BAALC: variants seen among roughly 807,000 people sequenced by gnomAD.
The protein encoded by BAALC is BAALC binder of MAP3K1 and KLF4, also known as brain and acute leukemia cytoplasmic protein.
BAALC carries 9 observed loss-of-function variants against 15.5 expected under a neutral mutation model. That is an observed-to-expected ratio of 0.58 (90% CI 0.35 to 1.02). The LOEUF (loss-of-function observed/expected upper bound fraction) is 1.02, where lower values mean the gene tolerates loss of function less well. Ranked by LOEUF, BAALC falls within the 50% of genes least tolerant of loss-of-function variation. BAALC has a pLI of 0.02. For synonymous variants in BAALC, 80 were observed against 74.6 expected (o/e 1.07, Z -0.37); for missense variants, 201 against 192.4 (o/e 1.04, Z -0.27).
At chr8:103,207,523 G>C (rs954147886) in intron 1 of BAALC, among the ~76,000 whole-genome samples, 7 of 152,192 alleles carry the variant, frequency 4.6e-5, no homozygotes, top group Admixed American at 1.3e-4. Context: ...GCCCTCTCCA[G>C]GCTGATAAGG....
intron 1 of BAALC, among the ~76,000 whole-genome samples, chr8:103,178,058 G>T (rs1811644254): frequency 6.6e-6 from 1 of 152,154 alleles, no homozygotes; most frequent in Admixed American, 6.5e-5. Context: ...TCTTGTCATT[G>T]GAGCTCAGCT....
In BAALC at chr8:103,229,729, T is replaced by G. The variant is rs1812883766; in HGVS notation, c.*1630T>G. On this transcript the variant is annotated 3_prime_UTR_variant, in exon 3 of 3. Transcript: ENST00000309982. ...TAGGTTTGTGTCTTAAACTAGGTGT[T>G]CTAATCAATGTACAAGACTTTACCA... is the stretch of plus-strand genomic sequence containing the variant. The G allele has an allele frequency of 6.6e-6, 1 of 152,240 alleles. No individual in the cohort carries two copies. Among genetic ancestry groups the G allele is most frequent in the Non-Finnish European group, 1.5e-5 (1 of 68,046 alleles). The allele number at this position is 152,240 out of a possible 1,614,324, so 9.4% of individuals were successfully genotyped here. A position where few individuals can be genotyped will look rare whatever the true frequency, so the allele number is the denominator to read the frequency against.
At chr8:103,211,839 TC>T (rs1240238034) in intron 1 of BAALC, among the ~76,000 whole-genome samples, 2 of 152,170 alleles carry the variant, frequency 1.3e-5, no homozygotes, top group Non-Finnish European at 2.9e-5. Flanking sequence ...CCATACAGAC[TC>T]CTCTATTGTT....
chr8:103,158,778 A>C (rs1202082470), intron 1 of BAALC, among the ~76,000 whole-genome samples: 1 of 152,210 alleles, frequency 6.6e-6, no homozygotes, highest in South Asian at 2.1e-4. Flanking sequence ...ATGGCACACA[A>C]TTTAAAACTT....
intron 1 of BAALC, chr8:103,208,498 G>A (rs1007448752): frequency 2.0e-5 from 3 of 152,256 alleles, no homozygotes; most frequent in Non-Finnish European, 4.4e-5. Flanking sequence ...CTCTGCCTTG[G>A]TCTGTTTTAT....
Position 103,141,017 on chromosome 8 carries a change from C to T in BAALC, c.120C>T (p.Ala40=). Residue 40 remains alanine, a synonymous_variant, in exon 1 of 3, where the codon GCC becomes GCT. Transcript: ENST00000309982. ...YTDSDAPPSA[A]APDSGPEAGG... is the part of the protein sequence containing the mutation. ...ACTCGGACGCGCCGCCCAGCGCCGC[C>T]GCCCCGGACAGCGGCCCCGAAGCGG... The T allele has an allele frequency of 6.6e-7, 1 of 1,520,478 alleles. No homozygotes were observed. The highest frequency in any genetic ancestry group is 8.8e-7 in the Non-Finnish European group (1 of 1,134,556). 94.2% of individuals were successfully genotyped at this position (1,520,478 alleles called of 1,614,324 possible). A position where few individuals can be genotyped will look rare whatever the true frequency, so the allele number is the denominator to read the frequency against.
intron 1 of BAALC, among the ~76,000 whole-genome samples, chr8:103,200,264 G>T (rs1416513398): frequency 1.3e-5 from 2 of 152,198 alleles, no homozygotes; most frequent in African/African-American, 4.8e-5. Context: ...ATGTAAATTT[G>T]TTCAGCCATT....
chr8:103,199,340 T>G lies in BAALC; in HGVS notation c.161-13579T>G, dbSNP rs771647023. 2.3e-4 allele frequency among the ~76,000 whole-genome samples: 35 copies of G among 152,250 alleles called. 1 individual carries two copies. Among genetic ancestry groups the G allele is most frequent in the Non-Finnish European group, 1.8e-4 (12 of 68,040 alleles). ...TTATCAGACTTTTTAACTTTTGCCA[T>G]TCTGATGGGTAAGAAATGATATATT... On this transcript the variant is annotated intron_variant, in intron 1 of 2. Coordinates refer to ENST00000309982, the MANE Select transcript of BAALC (RefSeq NM_024812.3).
chr8:103,212,113 T>C (rs778710135), intron 1 of BAALC, among the ~76,000 whole-genome samples: 33 of 152,170 alleles, frequency 2.2e-4, no homozygotes, highest in Non-Finnish European at 8.8e-5. Context: ...AAGGCACACA[T>C]ACTCAGTCCA....
At chr8:103,145,028 A>G (rs1401388729) in intron 1 of BAALC, among the ~76,000 whole-genome samples, 1 of 152,190 alleles carries the variant, frequency 6.6e-6, no homozygotes, top group Non-Finnish European at 1.5e-5. Flanking sequence ...ATCTAGTTCT[A>G]TCCATTTCCA....
At chr8:103,156,039 G>C (rs890529854) in intron 1 of BAALC, among the ~76,000 whole-genome samples, 15 of 152,190 alleles carry the variant, frequency 9.9e-5, no homozygotes, top group African/African-American at 3.6e-4. Context: ...AGCAGCTATA[G>C]ACAATATATA....
intron 1 of BAALC, among the ~76,000 whole-genome samples, chr8:103,212,049 T>C (rs1288150593): frequency 6.6e-6 from 1 of 152,220 alleles, no homozygotes; most frequent in Non-Finnish European, 1.5e-5. Context: ...GTCCTCTCCC[T>C]TTTCAGTGAG....
chr8:103,164,797 T>C (rs933146799), intron 1 of BAALC, among the ~76,000 whole-genome samples: 1 of 152,168 alleles, frequency 6.6e-6, no homozygotes, highest in South Asian at 2.1e-4. Flanking sequence ...ATCTCTGTTT[T>C]CCCCATACGC....
intron 1 of BAALC, among the ~76,000 whole-genome samples, chr8:103,151,717 A>G (rs1468448032): frequency 1.3e-5 from 2 of 151,950 alleles, no homozygotes; most frequent in Non-Finnish European, 2.9e-5. Context: ...CAGACCCCAT[A>G]TAATAGCCCC....
intron 1 of BAALC, among the ~76,000 whole-genome samples, chr8:103,209,672 T>C (rs1812406329): frequency 6.6e-6 from 1 of 152,100 alleles, no homozygotes; most frequent in East Asian, 1.9e-4. Flanking sequence ...CAGACAAATA[T>C]ATGGTCTTAC....
intron 1 of BAALC, among the ~76,000 whole-genome samples, chr8:103,148,975 C>T (rs1416475096): frequency 6.6e-6 from 1 of 152,154 alleles, no homozygotes; most frequent in African/African-American, 2.4e-5. Context: ...TAGTTTATAT[C>T]ACCCTCCGAA....
chr8:103,168,472 G>C (rs1479136464), intron 1 of BAALC, among the ~76,000 whole-genome samples: 1 of 150,438 alleles, frequency 6.6e-6, no homozygotes, highest in East Asian at 1.9e-4. Flanking sequence ...TCCTTTCACA[G>C]ACAATATTTT....
intron 1 of BAALC, chr8:103,141,309 C>A: frequency 2.4e-6 from 1 of 422,288 alleles, no homozygotes; most frequent in Non-Finnish European, 4.1e-6. Flanking sequence ...TGGCCTTGTC[C>A]AAAGCTTGCT....
chr8:103,149,878 C>T (rs907615577), intron 1 of BAALC, among the ~76,000 whole-genome samples: 8 of 152,144 alleles, frequency 5.3e-5, no homozygotes, highest in Non-Finnish European at 1.2e-4. Flanking sequence ...CCCCTCAAGC[C>T]CCCACAACAG....
Sources: gnomAD v4.1 joint callset for allele counts (sites outside exome capture counted in the v4.1 genomes callset) on GRCh38, gnomAD v4.1.1 for gene constraint, MANE v1.5 for transcripts, NCBI Gene and HGNC (gene_info 2026-07-23, HGNC 2026-07-21) for gene names.